The following GFRA2 variants were observed in gnomAD, a reference collection of about 807,000 sequenced individuals.
The protein encoded by GFRA2 is GDNF family receptor alpha-2.
GFRA2 carries 17 observed loss-of-function variants against 48.3 expected under a neutral mutation model. The observed-to-expected ratio is 0.35, with a 90% CI of 0.24 to 0.53. GFRA2 has a LOEUF of 0.53. Among genes scored for constraint, GFRA2 ranks in the 20% least tolerant of loss-of-function variants. The pLI is 0.93. For synonymous variants in GFRA2, 305 were observed against 257.2 expected, an observed-to-expected ratio of 1.19 and a Z score of -1.78; for missense variants, 660 against 637.3, an observed-to-expected ratio of 1.04 and a Z score of -0.38.
At chr8:21,700,691 C>T (rs1802429732) in intron 7 of GFRA2, among the ~76,000 whole-genome samples, 1 of 152,158 alleles carries the variant, frequency 6.6e-6, no homozygotes, top group Non-Finnish European at 1.5e-5. Context: ...CACGTAGGGA[C>T]CCAACTGGCT....
intron 3 of GFRA2, 35 bp downstream of exon 3, chr8:21,774,937 G>C: frequency 8.4e-7 from 1 of 1,192,652 alleles, no homozygotes; most frequent in South Asian, 1.2e-5. Context: ...GGGACGAGAG[G>C]AGAACGGGCC....
At chr8:21,797,463 C>T (rs1807698519) in intron 2 of GFRA2, 1 of 151,982 alleles carries the variant, frequency 6.6e-6, no homozygotes, top group African/African-American at 2.4e-5. Flanking sequence ...AGGTGCACAC[C>T]TGGCCTGTGT....
Position 21,784,194 on chromosome 8 carries a change from C to T in GFRA2, c.41-1295G>A, listed in dbSNP as rs1563265536. Reference sequence around the variant, plus strand: ...AACGGCAGGGACAGGCTCGCCTGATCCTTTCAAAGCCAAGCTCCTAAAATG... The same window carrying T: ...AACGGCAGGGACAGGCTCGCCTGATTCTTTCAAAGCCAAGCTCCTAAAATG... On this transcript the variant is annotated intron_variant, in intron 1 of 8. Transcript: ENST00000524240. 7.0e-6 allele frequency: 3 copies of T among 429,942 alleles called. No individual in the cohort carries two copies. The East Asian group carries it at 2.2e-4, about 31-fold the overall frequency. 26.6% of individuals were successfully genotyped at this position (429,942 alleles called of 1,614,324 possible). A position where few individuals can be genotyped will look rare whatever the true frequency, so the allele number is the denominator to read the frequency against.
At chr8:21,756,772 C>A (rs1805591719) in intron 3 of GFRA2, among the ~76,000 whole-genome samples, 1 of 152,174 alleles carries the variant, frequency 6.6e-6, no homozygotes, top group South Asian at 2.1e-4. Context: ...AAACCCAGCC[C>A]CCTCCGTCTC....
intron 3 of GFRA2, among the ~76,000 whole-genome samples, chr8:21,753,289 C>CA (rs1805387187): frequency 1.3e-5 from 2 of 152,166 alleles, no homozygotes; most frequent in African/African-American, 4.8e-5. Context: ...GAAACACACA[C>CA]CAGATTTTGA....
chr8:21,707,828 A>G (rs1802823822), intron 4 of GFRA2, among the ~76,000 whole-genome samples: 1 of 152,244 alleles, frequency 6.6e-6, no homozygotes, highest in African/African-American at 2.4e-5. Context: ...CCACTGACTT[A>G]TACACTTACA....
chr8:21,702,751 A>G, intron 7 of GFRA2, 54 bp downstream of exon 7: 2 of 1,507,750 alleles, frequency 1.3e-6, no homozygotes, highest in Non-Finnish European at 1.8e-6. Context: ...GTCATTTCCC[A>G]TGCCACTTCC....
chr8:21,794,233 CTTTTTTT>C lies in GFRA2; in HGVS notation c.-35-6046_-35-6040del, dbSNP rs1159236794. On this transcript the variant is annotated intron_variant, in intron 2 of 10. Coordinates refer to the GFRA2 transcript ENST00000517328. ...AAAATTAAGCTTATCCTGAGAGTGA[CTTTTTTT>C]TTTTTTTTTTTTTTTTTTTTGAAAC... is the stretch of plus-strand genomic sequence containing the variant. Among the ~76,000 whole-genome samples, 10 of 66,994 alleles carry C rather than the reference CTTTTTTT, an allele frequency of 1.5e-4. 1 individual carries two copies. Among genetic ancestry groups the C allele is most frequent in the Middle Eastern group, 0.029 (2 of 68 alleles). The allele number at this position is 66,994 out of a possible 152,430, so 44.0% of individuals were successfully genotyped here. A position where few individuals can be genotyped will look rare whatever the true frequency, so the allele number is the denominator to read the frequency against.
chr8:21,744,360 C>T (rs1354951618), intron 4 of GFRA2, among the ~76,000 whole-genome samples: 4 of 152,312 alleles, frequency 2.6e-5, no homozygotes, highest in South Asian at 2.1e-4. Context: ...TCTATTTATA[C>T]ACATCCTCAG....
At chr8:21,754,025 C>T (rs528484080) in intron 3 of GFRA2, among the ~76,000 whole-genome samples, 1 of 152,342 alleles carries the variant, frequency 6.6e-6, no homozygotes, top group East Asian at 1.9e-4. Flanking sequence ...TACTTCAAGA[C>T]TCTGTTCAAA....
chr8:21,722,953 T>C lies in GFRA2; in HGVS notation c.795-16912A>G, dbSNP rs77074314. On this transcript the variant is annotated intron_variant, in intron 4 of 8. Coordinates refer to ENST00000524240, the MANE Select transcript of GFRA2 (RefSeq NM_001495.5). ...GCCTCCCTACATGGAGTGGGCTGGA[T>C]AAAAATCAGAGGGGACACAGCAGAC... Among the ~76,000 whole-genome samples, 68 of 152,198 alleles carry C rather than the reference T, an allele frequency of 4.5e-4. No homozygotes were observed. The East Asian group carries it at 0.012, about 27-fold the overall frequency.
In GFRA2 at chr8:21,693,112, A is replaced by C; in HGVS notation, c.*166T>G. The C allele has an allele frequency of 1.7e-6, 1 of 582,524 alleles. No homozygotes were observed. The allele number at this position is 582,524 out of a possible 1,614,324, so 36.1% of individuals were successfully genotyped here. A position where few individuals can be genotyped will look rare whatever the true frequency, so the allele number is the denominator to read the frequency against. ...CCTGCTTGTCTGTTTGGTTTACAAA[A>C]ACTTCTCCAGAGAAGAAACCTGGGA... On this transcript the variant is annotated 3_prime_UTR_variant, in exon 9 of 9. Transcript: ENST00000524240.
intron 3 of GFRA2, among the ~76,000 whole-genome samples, chr8:21,768,814 G>A (rs1806304187): frequency 6.6e-6 from 1 of 152,152 alleles, no homozygotes; most frequent in Non-Finnish European, 1.5e-5. Context: ...TCATGGAGAA[G>A]TCCTGGGCTG....
intron 3 of GFRA2, among the ~76,000 whole-genome samples, chr8:21,759,740 T>C (rs1458237817): frequency 6.6e-6 from 1 of 151,578 alleles, no homozygotes; most frequent in Non-Finnish European, 1.5e-5. Context: ...AATACAAAAA[T>C]GAGCCGAGTG....
chr8:21,706,284 T>C (rs948256481), intron 4 of GFRA2: 30 of 634,708 alleles, frequency 4.7e-5, no homozygotes, highest in Middle Eastern at 4.9e-4. Context: ...AACCCAGTCA[T>C]TGGCTGACAA....
chr8:21,695,223 A>T (rs1417536873), intron 7 of GFRA2, among the ~76,000 whole-genome samples: 1 of 152,152 alleles, frequency 6.6e-6, no homozygotes, highest in Admixed American at 6.5e-5. Flanking sequence ...GGCCACCTGG[A>T]TGCAGGGCCA....
At chr8:21,737,578 C>T (rs768604971) in intron 4 of GFRA2, among the ~76,000 whole-genome samples, 3 of 152,098 alleles carry the variant, frequency 2.0e-5, no homozygotes, top group Non-Finnish European at 4.4e-5. Flanking sequence ...TCCAACCTTA[C>T]GCGCACAGAC....
At chr8:21,706,127 C>T (rs1459759489) in intron 4 of GFRA2, 86 bp from the exon 5 acceptor site, 16 of 815,332 alleles carry the variant, frequency 2.0e-5, no homozygotes, top group Admixed American at 1.1e-4. Context: ...GTGGCATCTC[C>T]TCCCTGCAGC....
chr8:21,713,508 T>G (rs1803177208), intron 4 of GFRA2, among the ~76,000 whole-genome samples: 1 of 152,046 alleles, frequency 6.6e-6, no homozygotes, highest in Non-Finnish European at 1.5e-5. Context: ...GCAACAGTAC[T>G]TGATGAATAC....
Sources: allele counts gnomAD v4.1 joint callset (sites outside exome capture counted in the v4.1 genomes callset), GRCh38; gene constraint gnomAD v4.1.1; transcripts MANE v1.5; gene names NCBI Gene and HGNC (gene_info 2026-07-23, HGNC 2026-07-21).